The following DNAH14 variants were observed in gnomAD, a reference collection of about 807,000 sequenced individuals.
DNAH14 encodes dynein axonemal heavy chain 14, also known as axonemal beta dynein heavy chain 14.
A neutral mutation model predicts 520.9 loss-of-function variants in DNAH14; 478 were observed. The observed-to-expected ratio is 0.92, with a 90% CI of 0.85 to 0.99. The LOEUF is 0.99. Among genes scored for constraint, DNAH14 ranks in the 50% least tolerant of loss-of-function variants. DNAH14 has a pLI of 0.00. For missense variants in DNAH14, 4,831 were observed against 5,234.5 expected (o/e 0.92, Z 2.38); for synonymous variants, 1,581 against 1,757.2 (o/e 0.90, Z 2.51).
At chr1:225,060,622 G>GT (rs1183813650) in intron 17 of DNAH14, among the ~76,000 whole-genome samples, 1 of 150,566 alleles carries the variant, frequency 6.6e-6, no homozygotes, top group East Asian at 2.0e-4. Context: ...TTTCTGCTCT[G>GT]TTTTTTCCCT....
In DNAH14 at chr1:225,335,164, TGCATGTGTACATGTGC is replaced by T. The variant is rs1487864495; in HGVS notation, c.10080+1667_10080+1682del. 4.0e-5 allele frequency among the ~76,000 whole-genome samples: 6 copies of T among 148,850 alleles called. No individual in the cohort carries two copies. In the South Asian group the frequency reaches 8.5e-4, roughly 21 times the overall value. ...GCACATGTGTACATGTGTGCATGTG[TGCATGTGTACATGTGC>T]GCATGTGTGTATATATGCACACACG... On this transcript the variant is annotated intron_variant, in intron 66 of 85. Coordinates refer to ENST00000682510, the MANE Select transcript of DNAH14 (RefSeq NM_001367479.1).
intron 43 of DNAH14, among the ~76,000 whole-genome samples, chr1:225,246,494 AC>A (rs767349962): frequency 4.5e-4 from 69 of 152,368 alleles, no homozygotes; most frequent in Non-Finnish European, 7.1e-4. Flanking sequence ...TAAGGGGCTA[AC>A]ATCCAGAATC....
At chr1:224,979,943 T>G (rs1271381673) in intron 8 of DNAH14, among the ~76,000 whole-genome samples, 1 of 152,166 alleles carries the variant, frequency 6.6e-6, no homozygotes, top group Admixed American at 6.5e-5. Flanking sequence ...GCAAGATTCA[T>G]AATCTGCTGA....
rs1410924861 is a variant in DNAH14, at chr1:225,097,139, C to T, written c.3595C>T (p.Gln1199Ter). 7.1e-6 allele frequency: 11 copies of T among 1,549,106 alleles called. No individual in the cohort carries two copies. The highest frequency in any genetic ancestry group is 9.6e-6 in the Non-Finnish European group (11 of 1,145,662). ...GTAGGATCTTGTGAATGAATGGGAT[C>T]AAAACTTGACTCTCTTCTCTTACAC... ...PIKDLVNEWD[Q>*]NLTLFSYTLE... The change falls in exon 22 of 86, where the codon CAA becomes TAA. Residue 1199 changes from glutamine to a stop codon, truncating the protein, a stop_gained. Transcript: ENST00000682510. LOFTEE classifies it high-confidence loss of function.
chr1:225,046,033 T>G (rs1248712648), intron 15 of DNAH14, among the ~76,000 whole-genome samples: 1 of 151,976 alleles, frequency 6.6e-6, no homozygotes. Context: ...TAGCTGTTCC[T>G]TTTCCATTTA....
At chr1:225,146,581 C>T (rs146709345) in intron 30 of DNAH14, among the ~76,000 whole-genome samples, 2,122 of 152,358 alleles carry the variant, frequency 0.014, 24 homozygotes, top group Non-Finnish European at 0.021. Flanking sequence ...CCAGCAGCAG[C>T]TGCGTGCTTT....
At position 225,385,178 on chromosome 1, in the gene DNAH14, AC is replaced by A. The variant is rs530197888; in HGVS notation, c.13078-3198del. Reference sequence around the variant, plus strand: ...AAAAGGCCTTCGACAAAATTCAACAACCCTTCATGCTAAAAACTCTCAATAA... The same window carrying A: ...AAAAGGCCTTCGACAAAATTCAACAACCTTCATGCTAAAAACTCTCAATAA... On this transcript the variant is annotated intron_variant, in intron 81 of 85. Transcript: ENST00000682510. Among the ~76,000 whole-genome samples the A allele has an allele frequency of 1.8e-3, 272 of 152,020 alleles. 1 individual carries two copies. The highest frequency in any genetic ancestry group is 4.4e-3 in the South Asian group (21 of 4,820).
At chr1:225,372,624 A>G (rs2095632096) in intron 77 of DNAH14, among the ~76,000 whole-genome samples, 1 of 152,194 alleles carries the variant, frequency 6.6e-6, no homozygotes, top group Non-Finnish European at 1.5e-5. Flanking sequence ...ACCAAAATAA[A>G]TCTAGGAGAT....
At chr1:225,002,693 G>A in intron 8 of DNAH14, 90 bp from the exon 9 acceptor site, 1 of 1,196,302 alleles carries the variant, frequency 8.4e-7, no homozygotes, top group Non-Finnish European at 1.2e-6. Flanking sequence ...TCAACTATAA[G>A]GATATTAACT....
At chr1:225,398,215 G>A (rs908930051) in intron 84 of DNAH14, among the ~76,000 whole-genome samples, 9 of 152,072 alleles carry the variant, frequency 5.9e-5, no homozygotes, top group African/African-American at 1.2e-4. Context: ...TCGGCTACAC[G>A]ATTACAATTG....
Position 225,080,437 on chromosome 1 carries a change from T to G in DNAH14, c.2825T>G (p.Ile942Ser), listed in dbSNP as rs1227759493. The change falls in exon 19 of 86, where the codon ATC becomes AGC. Residue 942 changes from isoleucine (I) to serine (S), a missense_variant. Physicochemically the swap from Ile to Ser is moderately radical, Grantham distance 142. Coordinates refer to ENST00000682510, the MANE Select transcript of DNAH14 (RefSeq NM_001367479.1). ...GTQVSTAMEM[I>S]QTLSGEAASL... ...CAAGTGTCAACAGCAATGGAAATGATCCAGACTCTCTCAGGGGAAGCTGCA... is the reference window on the plus strand; with the variant it reads ...CAAGTGTCAACAGCAATGGAAATGAGCCAGACTCTCTCAGGGGAAGCTGCA... 1 of 1,551,274 alleles carries G rather than the reference T, an allele frequency of 6.4e-7. No homozygotes were observed.
At chr1:225,252,045 G>A (rs1193545863) in intron 43 of DNAH14, among the ~76,000 whole-genome samples, 1 of 152,038 alleles carries the variant, frequency 6.6e-6, no homozygotes, top group Non-Finnish European at 1.5e-5. Context: ...CAAAACTTTG[G>A]GGTAAGATTT....
intron 15 of DNAH14, among the ~76,000 whole-genome samples, chr1:225,047,424 T>A (rs1399148148): frequency 2.0e-5 from 3 of 152,186 alleles, no homozygotes; most frequent in African/African-American, 7.2e-5. Flanking sequence ...TTTTGCTGTA[T>A]CTTTTCTATG....
At chr1:225,150,558 A>C (rs931877153) in intron 31 of DNAH14, among the ~76,000 whole-genome samples, 2 of 152,122 alleles carry the variant, frequency 1.3e-5, no homozygotes, top group African/African-American at 4.8e-5. Context: ...GCTATTTATT[A>C]CTGATTAAAT....
At chr1:225,038,531 T>G (rs76634733) in intron 11 of DNAH14, among the ~76,000 whole-genome samples, 163 bp from the exon 12 acceptor site, 6,326 of 152,280 alleles carry the variant, frequency 0.042, 213 homozygotes, top group Non-Finnish European at 0.061. Flanking sequence ...TCTTTTCTTG[T>G]GCTTATTGTC....
chr1:225,152,733 ATC>A lies in DNAH14; in HGVS notation c.5050_5051del (p.Leu1684ValfsTer16). The A allele has an allele frequency of 1.3e-6, 2 of 1,550,770 alleles. No individual in the cohort carries two copies. The highest frequency in any genetic ancestry group is 2.4e-5 in the East Asian group (1 of 40,902). Reference protein sequence around the residue: ...GGVELPDNLKSLFRPVAMMVP... With the variant: ...GGVELPDNLKXLFRPVAMMVP... ...GAGTAGAGCTCCCAGATAACTTAAA[ATC>A]TCTGTTTCGCCCAGTGGCAATGATG... On this transcript the variant is annotated frameshift_variant, in exon 33 of 86. Coordinates refer to ENST00000682510, the MANE Select transcript of DNAH14 (RefSeq NM_001367479.1). LOFTEE classifies it high-confidence loss of function.
intron 17 of DNAH14, among the ~76,000 whole-genome samples, chr1:225,062,132 CTA>C (rs775697058): frequency 1.0e-5 from 1 of 97,886 alleles, no homozygotes; most frequent in Non-Finnish European, 2.6e-5. Context: ...AAACCCATCT[CTA>C]CAAAAAATGC....
chr1:225,385,345 T>A (rs1445404890), intron 81 of DNAH14, among the ~76,000 whole-genome samples: 1 of 152,092 alleles, frequency 6.6e-6, no homozygotes, highest in East Asian at 1.9e-4. Flanking sequence ...CTCTCACCAC[T>A]CCTATTCAAC....
chr1:225,107,100 G>A (rs1391621840), intron 23 of DNAH14, among the ~76,000 whole-genome samples: 1 of 152,188 alleles, frequency 6.6e-6, no homozygotes, highest in Non-Finnish European at 1.5e-5. Flanking sequence ...CTAACAGTCA[G>A]GACCCTCAGC....
Sources: gnomAD v4.1 joint callset for allele counts (sites outside exome capture counted in the v4.1 genomes callset) on GRCh38, gnomAD v4.1.1 for gene constraint, MANE v1.5 for transcripts, NCBI Gene and HGNC (gene_info 2026-07-23, HGNC 2026-07-21) for gene names.